SYT16: variants seen among roughly 807,000 people sequenced by gnomAD.
SYT16 encodes synaptotagmin-16.
A neutral mutation model predicts 61.4 loss-of-function variants in SYT16; 42 were observed. That is an observed-to-expected ratio of 0.68 (90% CI 0.53 to 0.89). The LOEUF (loss-of-function observed/expected upper bound fraction) is 0.89. Ranked by LOEUF, SYT16 falls within the 40% of genes least tolerant of loss-of-function variation. SYT16 has a pLI of 0.00. For synonymous variants in SYT16, 314 were observed against 302.3 expected, an observed-to-expected ratio of 1.04 and a Z score of -0.40; for missense variants, 804 against 807.3, an observed-to-expected ratio of 1.00 and a Z score of 0.05.
intron 3 of SYT16, among the ~76,000 whole-genome samples, chr14:62,019,507 A>G (rs1231389025): frequency 2.6e-5 from 4 of 152,176 alleles, no homozygotes; most frequent in African/African-American, 9.6e-5. Flanking sequence ...ATCTAGTTAG[A>G]TGTGAGAAGC....
intron 2 of SYT16, among the ~76,000 whole-genome samples, chr14:61,984,050 T>G (rs2052199318): frequency 6.6e-6 from 1 of 152,150 alleles, no homozygotes; most frequent in Admixed American, 6.6e-5. Context: ...ATCCAAATCA[T>G]AGCATTACAA....
chr14:61,879,095 GT>G (rs138830822), intron 1 of SYT16, among the ~76,000 whole-genome samples: 7 of 150,868 alleles, frequency 4.6e-5, no homozygotes, highest in East Asian at 3.9e-4. Flanking sequence ...ATTAATTTGT[GT>G]TTTTTTTTAA....
intron 1 of SYT16, among the ~76,000 whole-genome samples, chr14:61,945,713 G>A (rs1446364061): frequency 2.6e-5 from 4 of 151,970 alleles, no homozygotes; most frequent in South Asian, 2.1e-4. Context: ...AAAATTAGCC[G>A]GGCGTGGTGG....
intron 2 of SYT16, among the ~76,000 whole-genome samples, chr14:61,971,744 T>G (rs556195629): frequency 6.6e-6 from 1 of 152,360 alleles, no homozygotes; most frequent in South Asian, 2.1e-4. Flanking sequence ...AAATTGCAGA[T>G]TTGACAATTG....
chr14:61,820,706 T>C (rs996788758), intron 1 of SYT16, among the ~76,000 whole-genome samples: 3 of 152,024 alleles, frequency 2.0e-5, no homozygotes, highest in Admixed American at 6.6e-5. Context: ...GGTCATGAAC[T>C]CCTGACCCCA....
intron 1 of SYT16, among the ~76,000 whole-genome samples, chr14:61,821,388 TA>T (rs1320291924): frequency 6.6e-6 from 1 of 152,122 alleles, no homozygotes; most frequent in East Asian, 1.9e-4. Context: ...GCTAGTGGCT[TA>T]AAAAAACACT....
chr14:61,974,194 G>C (rs541957424), intron 2 of SYT16, among the ~76,000 whole-genome samples: 17 of 152,266 alleles, frequency 1.1e-4, no homozygotes, highest in African/African-American at 4.1e-4. Flanking sequence ...TGGTGGGAGC[G>C]GGGGCAGAGA....
At chr14:61,862,924 C>T (rs971742082) in intron 1 of SYT16, among the ~76,000 whole-genome samples, 4 of 152,206 alleles carry the variant, frequency 2.6e-5, no homozygotes, top group African/African-American at 9.7e-5. Flanking sequence ...ATTTAAATTT[C>T]CTCCATGGCT....
At position 62,084,270 on chromosome 14, in the gene SYT16, T is replaced by C. The variant is rs1433607254; in HGVS notation, c.1509T>C (p.His503=). 4.3e-6 allele frequency: 7 copies of C among 1,613,846 alleles called. No individual in the cohort carries two copies. Among genetic ancestry groups the C allele is most frequent in the East Asian group, 4.5e-5 (2 of 44,892 alleles). Residue 503 remains histidine, a synonymous_variant, in exon 7 of 8, where the codon CAT becomes CAC. Coordinates refer to ENST00000683842, the MANE Select transcript of SYT16 (RefSeq NM_001367656.1). ...DSTSSTQSLS[H]GGAPELLVGL... is the part of the protein sequence containing the mutation. ...CTTCATCCACGCAGTCGCTGTCTCA[T>C]GGAGGGGCGCCAGAGCTGTTGGTGG...
In SYT16 at chr14:62,107,857, C is replaced by T. The variant is rs1055232583; in HGVS notation, c.*7150C>T. 2.0e-5 allele frequency: 3 copies of T among 152,166 alleles called. No individual in the cohort carries two copies. The highest frequency in any genetic ancestry group is 4.4e-5 in the Non-Finnish European group (3 of 68,026). 9.4% of individuals were successfully genotyped at this position (152,166 alleles called of 1,614,324 possible). ...CAAATAGGATATTTAGTATTCTTGA[C>T]TTTTATAATTAAATACTGAATGCCC... On this transcript the variant is annotated 3_prime_UTR_variant, in exon 8 of 8. Coordinates refer to ENST00000683842, the MANE Select transcript of SYT16 (RefSeq NM_001367656.1).
At chr14:61,911,243 A>T (rs1028681919) in intron 1 of SYT16, among the ~76,000 whole-genome samples, 1 of 152,198 alleles carries the variant, frequency 6.6e-6, no homozygotes, top group African/African-American at 2.4e-5. Flanking sequence ...CCGGCCATAG[A>T]CTAGAACCTA....
intron 1 of SYT16, among the ~76,000 whole-genome samples, chr14:61,912,530 T>A (rs959639456): frequency 2.0e-5 from 3 of 152,228 alleles, no homozygotes; most frequent in Admixed American, 1.3e-4. Flanking sequence ...TGAACTACAT[T>A]TTTAATCAAA....
intron 1 of SYT16, among the ~76,000 whole-genome samples, chr14:61,817,332 CT>C (rs2045473885): frequency 6.6e-6 from 1 of 151,080 alleles, no homozygotes; most frequent in East Asian, 2.0e-4. Context: ...GCAGGAGAAT[CT>C]CTTGAACCCA....
intron 2 of SYT16, among the ~76,000 whole-genome samples, chr14:61,985,036 T>C (rs1222941572): frequency 6.6e-6 from 1 of 152,164 alleles, no homozygotes; most frequent in Non-Finnish European, 1.5e-5. Context: ...GCTGCTGTTT[T>C]TGATGGGATC....
intron 1 of SYT16, among the ~76,000 whole-genome samples, chr14:61,887,863 G>C (rs2047968190): frequency 6.6e-6 from 1 of 152,170 alleles, no homozygotes; most frequent in Admixed American, 6.5e-5. Flanking sequence ...CAGTAAGGCT[G>C]TTTTGCTTTC....
At chr14:62,092,060 GAT>G (rs1252259307) in intron 7 of SYT16, among the ~76,000 whole-genome samples, 1 of 151,876 alleles carries the variant, frequency 6.6e-6, no homozygotes, top group Admixed American at 6.6e-5. Context: ...CTCCAAAGTT[GAT>G]ATATAAATGG....
At chr14:61,856,207 A>G (rs191773692) in intron 1 of SYT16, among the ~76,000 whole-genome samples, 5 of 152,346 alleles carry the variant, frequency 3.3e-5, no homozygotes, top group Admixed American at 3.3e-4. Flanking sequence ...AAGAGTTTTG[A>G]TAACAGAATA....
chr14:61,865,045 G>A, intron 1 of SYT16: 1 of 1,410,468 alleles, frequency 7.1e-7, no homozygotes, highest in Non-Finnish European at 1.0e-6. Context: ...GTATTCGGCT[G>A]CGGAGCTGCA....
intron 3 of SYT16, among the ~76,000 whole-genome samples, chr14:62,041,040 G>A (rs1279429696): frequency 1.3e-5 from 2 of 152,176 alleles, no homozygotes; most frequent in Admixed American, 6.5e-5. Context: ...GTCCGAGTTC[G>A]AAAGCTGAAG....
Sources: allele counts gnomAD v4.1 joint callset (sites outside exome capture counted in the v4.1 genomes callset), GRCh38; gene constraint gnomAD v4.1.1; transcripts MANE v1.5; gene names NCBI Gene and HGNC (gene_info 2026-07-23, HGNC 2026-07-21).